The following UNC80 variants were observed in gnomAD, a reference collection of about 807,000 sequenced individuals.
The protein encoded by UNC80 is unc-80 subunit of NALCN channel complex.
UNC80 carries 164 observed loss-of-function variants against 384.6 expected under a neutral mutation model. The observed-to-expected ratio is 0.43, with a 90% CI of 0.38 to 0.49. UNC80 has a LOEUF of 0.49. Among genes scored for constraint, UNC80 ranks in the 20% least tolerant of loss-of-function variants. The pLI is 0.00. For missense variants in UNC80, 3,330 were observed against 4,143.0 expected, an observed-to-expected ratio of 0.80 and a Z score of 5.39; for synonymous variants, 1,486 against 1,527.8, an observed-to-expected ratio of 0.97 and a Z score of 0.64.
At chr2:209,777,632 A>G in intron 4 of UNC80, 73 bp downstream of exon 4, 1 of 1,487,734 alleles carries the variant, frequency 6.7e-7, no homozygotes, top group Non-Finnish European at 9.0e-7. Flanking sequence ...TGATATTTCC[A>G]TATTTGGTTG....
chr2:209,973,816 T>C (rs537347630), intron 56 of UNC80, among the ~76,000 whole-genome samples: 1 of 152,352 alleles, frequency 6.6e-6, no homozygotes, highest in East Asian at 1.9e-4. Flanking sequence ...GACCTTGCAA[T>C]ATGCTATGCC....
chr2:209,794,759 C>G (rs1337050063), intron 7 of UNC80: 1 of 453,246 alleles, frequency 2.2e-6, no homozygotes, highest in Admixed American at 2.4e-5. Context: ...CCACTTTTGT[C>G]TCTTCTTCAT....
At chr2:209,947,306 A>G (rs1392536062) in intron 47 of UNC80, among the ~76,000 whole-genome samples, 1 of 152,226 alleles carries the variant, frequency 6.6e-6, no homozygotes, top group African/African-American at 2.4e-5. Flanking sequence ...TCTGCAATTG[A>G]GACACTGCAA....
intron 25 of UNC80, among the ~76,000 whole-genome samples, chr2:209,883,753 AT>A (rs1241313218): frequency 6.6e-6 from 1 of 152,072 alleles, no homozygotes; most frequent in Non-Finnish European, 1.5e-5. Context: ...GATTCTATAA[AT>A]TTGACTATTT....
At chr2:209,906,728 A>G (rs1178142840) in intron 29 of UNC80, among the ~76,000 whole-genome samples, 2 of 152,190 alleles carry the variant, frequency 1.3e-5, no homozygotes, top group African/African-American at 4.8e-5. Flanking sequence ...ATAAAAAGAA[A>G]AAAAGTAAAT....
At chr2:209,892,152 A>T (rs1461192677) in intron 26 of UNC80, among the ~76,000 whole-genome samples, 1 of 152,124 alleles carries the variant, frequency 6.6e-6, no homozygotes, top group African/African-American at 2.4e-5. Context: ...AAGATGACTT[A>T]ATCTATGGGA....
Position 209,992,251 on chromosome 2 carries a change from A to C in UNC80, c.9396+4A>C. On this transcript the variant is annotated splice_donor_region_variant and intron_variant, in intron 62 of 64. Transcript: ENST00000673920. ...GAGGAAGAGGGGCCTGAGGCAGGTA[A>C]GTAGACCCTTAAAGCGCAAGAGAAC... The C allele has an allele frequency of 1.3e-6, 2 of 1,551,262 alleles. No homozygotes were observed. The highest frequency in any genetic ancestry group is 1.7e-6 in the Non-Finnish European group (2 of 1,146,724).
chr2:209,926,305 C>T (rs190705284), intron 35 of UNC80, among the ~76,000 whole-genome samples: 12 of 152,302 alleles, frequency 7.9e-5, no homozygotes, highest in East Asian at 1.9e-4. Context: ...GTCTGTGCTT[C>T]GCTTCTCTAC....
intron 18 of UNC80, among the ~76,000 whole-genome samples, chr2:209,837,841 G>A (rs879629590): frequency 2.0e-5 from 3 of 149,540 alleles, no homozygotes; most frequent in East Asian, 2.0e-4. Flanking sequence ...GCGCTATCTC[G>A]GCTCACTGCA....
At chr2:209,863,817 T>C (rs2083510312) in intron 22 of UNC80, among the ~76,000 whole-genome samples, 1 of 152,074 alleles carries the variant, frequency 6.6e-6, no homozygotes, top group African/African-American at 2.4e-5. Context: ...CTATTACCCA[T>C]CTTCTGAAGC....
intron 31 of UNC80, among the ~76,000 whole-genome samples, chr2:209,914,965 T>C (rs1282868970): frequency 1.3e-5 from 2 of 152,134 alleles, no homozygotes; most frequent in Non-Finnish European, 2.9e-5. Context: ...CTGCAATAAA[T>C]ATCTTGGTAA....
intron 7 of UNC80, chr2:209,808,761 C>G (rs924598809): frequency 1.6e-5 from 4 of 248,984 alleles, no homozygotes; most frequent in South Asian, 1.4e-4. Flanking sequence ...GGGTCGCCTG[C>G]GCTACTTCTG....
chr2:209,813,973 A>G, intron 8 of UNC80, 132 bp downstream of exon 8: 4 of 1,133,060 alleles, frequency 3.5e-6, no homozygotes, highest in South Asian at 3.4e-5. Context: ...TGTTTCTATT[A>G]TCTTTTCCCT....
intron 56 of UNC80, among the ~76,000 whole-genome samples, chr2:209,973,651 A>T (rs2092938763): frequency 6.6e-6 from 1 of 152,226 alleles, no homozygotes; most frequent in Non-Finnish European, 1.5e-5. Flanking sequence ...TAAGTACCAG[A>T]TCACTAGTGA....
chr2:209,959,058 C>T (rs1319079954), intron 49 of UNC80, 61 bp from the exon 50 acceptor site: 2 of 1,466,116 alleles, frequency 1.4e-6, no homozygotes, highest in East Asian at 2.5e-5. Flanking sequence ...GATAAGAAGC[C>T]CCAACCAAAG....
chr2:209,980,772 A>G (rs1223088681), intron 59 of UNC80, among the ~76,000 whole-genome samples: 3 of 152,222 alleles, frequency 2.0e-5, no homozygotes, highest in Non-Finnish European at 4.4e-5. Context: ...ACACCTAACA[A>G]AAGAGTTACT....
At chr2:209,929,344 CT>C (rs2090671794) in intron 36 of UNC80, among the ~76,000 whole-genome samples, 1 of 152,038 alleles carries the variant, frequency 6.6e-6, no homozygotes, top group African/African-American at 2.4e-5. Flanking sequence ...ATTATTTATT[CT>C]TAAGACTTCT....
At chr2:209,803,384 A>T (rs1433164976) in intron 7 of UNC80, among the ~76,000 whole-genome samples, 1 of 152,224 alleles carries the variant, frequency 6.6e-6, no homozygotes, top group Non-Finnish European at 1.5e-5. Flanking sequence ...TTATTTGATG[A>T]CAACAAAGTT....
intron 47 of UNC80, among the ~76,000 whole-genome samples, chr2:209,947,049 G>A (rs898372655): frequency 6.6e-6 from 1 of 152,128 alleles, no homozygotes; most frequent in Non-Finnish European, 1.5e-5. Context: ...ATGTGGCTGT[G>A]GCCTTCAGGA....
Sources: allele counts gnomAD v4.1 joint callset (sites outside exome capture counted in the v4.1 genomes callset), GRCh38; gene constraint gnomAD v4.1.1; transcripts MANE v1.5; gene names NCBI Gene and HGNC (gene_info 2026-07-23, HGNC 2026-07-21).